The following EHMT1 variants were observed in gnomAD, a reference collection of about 807,000 sequenced individuals.
EHMT1 encodes the protein euchromatic histone lysine methyltransferase 1.
A neutral mutation model predicts 147.2 loss-of-function variants in EHMT1; 15 were observed. That is an observed-to-expected ratio of 0.10 (90% CI 0.07 to 0.16). The LOEUF (loss-of-function observed/expected upper bound fraction) is 0.16. Among genes scored for constraint, EHMT1 ranks in the 10% least tolerant of loss-of-function variants. The pLI, the probability that EHMT1 is intolerant of heterozygous loss-of-function variation, is 1.00. For synonymous variants in EHMT1, 795 were observed against 709.6 expected, an observed-to-expected ratio of 1.12 and a Z score of -1.91; for missense variants, 1,587 against 1,772.4, an observed-to-expected ratio of 0.90 and a Z score of 1.88.
At chr9:137,714,469 G>T (rs962216945) in intron 2 of EHMT1, among the ~76,000 whole-genome samples, 1 of 151,522 alleles carries the variant, frequency 6.6e-6, no homozygotes, top group Non-Finnish European at 1.5e-5. Context: ...GCATTTCTGG[G>T]GTTAAATTCC....
chr9:137,635,971 G>C (rs569638549), intron 1 of EHMT1, among the ~76,000 whole-genome samples: 36 of 151,268 alleles, frequency 2.4e-4, no homozygotes, highest in African/African-American at 8.7e-4. Context: ...GCCCAGGCTA[G>C]AGTGCAGTGG....
At chr9:137,717,229 G>C (rs759574667) in intron 3 of EHMT1, 47 bp downstream of exon 3, 2 of 1,600,968 alleles carry the variant, frequency 1.2e-6, no homozygotes, top group African/African-American at 2.7e-5. Context: ...CATCTCTTTT[G>C]TTTTAATAAC....
At chr9:137,666,892 TTTTAA>T (rs1939722631) in intron 1 of EHMT1, 1 of 152,332 alleles carries the variant, frequency 6.6e-6, no homozygotes, top group South Asian at 2.1e-4. Context: ...GAGGGCTGTG[TTTTAA>T]TTAATTAATT....
chr9:137,621,843 T>C (rs1842953275), intron 1 of EHMT1, among the ~76,000 whole-genome samples: 1 of 152,056 alleles, frequency 6.6e-6, no homozygotes, highest in East Asian at 1.9e-4. Flanking sequence ...ATCGCTTCTT[T>C]ATTTTTTCTT....
intron 4 of EHMT1, 155 bp downstream of exon 4, chr9:137,728,684 T>C (rs769687427): frequency 3.3e-6 from 3 of 923,058 alleles, no homozygotes; most frequent in Non-Finnish European, 5.1e-6. Context: ...CCTGTATGCC[T>C]GAGGAGGCAC....
intron 25 of EHMT1, among the ~76,000 whole-genome samples, chr9:137,823,015 C>G (rs966391478): frequency 6.6e-6 from 1 of 151,862 alleles, no homozygotes; most frequent in Admixed American, 6.6e-5. Flanking sequence ...ACTGCAACGT[C>G]TGCCTCCTGG....
intron 1 of EHMT1, among the ~76,000 whole-genome samples, chr9:137,692,978 C>T (rs1943071115): frequency 6.6e-6 from 1 of 152,114 alleles, no homozygotes; most frequent in Non-Finnish European, 1.5e-5. Context: ...TCCTTGGAAT[C>T]GGCTGGACGG....
intron 4 of EHMT1, among the ~76,000 whole-genome samples, chr9:137,729,716 A>G (rs1225208958): frequency 6.6e-6 from 1 of 150,946 alleles, no homozygotes; most frequent in Non-Finnish European, 1.5e-5. Context: ...CGGCCCCCCC[A>G]TGTATTACTT....
In EHMT1 at chr9:137,732,887, T is replaced by A. The variant is rs1947237356; in HGVS notation, c.823+4358T>A. On this transcript the variant is annotated intron_variant, in intron 4 of 26. Coordinates refer to ENST00000460843, the MANE Select transcript of EHMT1 (RefSeq NM_024757.5). The surrounding 1 kb of genome is among the most constrained non-coding windows in gnomAD (Gnocchi z 4.6). Reference sequence around the variant, plus strand: ...TGAGATTTCTTGTCACGTCTTTCTGTTAATTTTTAATTACTGTGGCGATGA... The same window carrying A: ...TGAGATTTCTTGTCACGTCTTTCTGATAATTTTTAATTACTGTGGCGATGA... Among the ~76,000 whole-genome samples, 1 of 152,248 alleles carries A rather than the reference T, an allele frequency of 6.6e-6. No homozygotes were observed. The highest frequency in any genetic ancestry group is 6.5e-5 in the Admixed American group (1 of 15,284).
chr9:137,720,741 T>C (rs1945864771), intron 3 of EHMT1, among the ~76,000 whole-genome samples: 2 of 152,222 alleles, frequency 1.3e-5, no homozygotes, highest in African/African-American at 4.8e-5. Context: ...CTTGGTGTTC[T>C]GTGGGGTGTG....
At chr9:137,831,629 T>C (rs1376629048) in intron 25 of EHMT1, among the ~76,000 whole-genome samples, 4 of 152,238 alleles carry the variant, frequency 2.6e-5, no homozygotes, top group East Asian at 3.8e-4. Flanking sequence ...AATCTTTCTT[T>C]GTTCTTCATT....
At chr9:137,795,442 T>TACACTC (rs1952855364) in intron 16 of EHMT1, among the ~76,000 whole-genome samples, 4 of 44,796 alleles carry the variant, frequency 8.9e-5, no homozygotes, top group Non-Finnish European at 2.5e-4. Context: ...CACACTCACA[T>TACACTC]ACACACACAG....
intron 1 of EHMT1, among the ~76,000 whole-genome samples, chr9:137,646,693 C>T (rs1039042312): frequency 3.9e-5 from 6 of 152,156 alleles, no homozygotes; most frequent in African/African-American, 4.8e-5. Context: ...GAGCTCTGGC[C>T]GAATTGGAGG....
intron 1 of EHMT1, among the ~76,000 whole-genome samples, chr9:137,652,539 C>A (rs548647164): frequency 6.6e-6 from 1 of 151,900 alleles, no homozygotes; most frequent in Admixed American, 6.6e-5. Flanking sequence ...GTGTGCACCA[C>A]CACGCCCAGC....
intron 13 of EHMT1, 33 bp from the exon 14 acceptor site, chr9:137,779,602 C>A (rs774144207): frequency 6.2e-7 from 1 of 1,611,776 alleles, no homozygotes; most frequent in East Asian, 2.2e-5. Context: ...GATGCAGAGC[C>A]CCATGCTGAC....
At chr9:137,675,940 C>T (rs1479357884) in intron 1 of EHMT1, among the ~76,000 whole-genome samples, 8 of 150,988 alleles carry the variant, frequency 5.3e-5, no homozygotes, top group Non-Finnish European at 1.2e-4. Flanking sequence ...CCCGCCACTA[C>T]GCCCGGCTAA....
intron 1 of EHMT1, chr9:137,675,177 A>G (rs1589214852): frequency 6.6e-6 from 1 of 152,236 alleles, no homozygotes; most frequent in Non-Finnish European, 1.5e-5. Context: ...TTCCATGGGC[A>G]GTGGGAAGCC....
intron 1 of EHMT1, among the ~76,000 whole-genome samples, chr9:137,680,648 C>G (rs1941849677): frequency 6.6e-6 from 1 of 152,208 alleles, no homozygotes; most frequent in African/African-American, 2.4e-5. Context: ...ACCATGTTTT[C>G]TTAGCAACCA....
At chr9:137,697,850 A>AT (rs779698027) in intron 1 of EHMT1, among the ~76,000 whole-genome samples, 28 of 152,366 alleles carry the variant, frequency 1.8e-4, no homozygotes, top group Non-Finnish European at 3.4e-4. Context: ...GATTCTATCC[A>AT]TACAGCTCCT....
Sources: gnomAD v4.1 joint callset for allele counts (sites outside exome capture counted in the v4.1 genomes callset) on GRCh38, gnomAD v4.1.1 for gene constraint, Gnocchi (gnomAD v3.1) non-coding constraint, MANE v1.5 for transcripts, NCBI Gene and HGNC (gene_info 2026-07-23, HGNC 2026-07-21) for gene names.